The following DYNC2H1 variants were observed in gnomAD, a reference collection of about 807,000 sequenced individuals.
The protein encoded by DYNC2H1 is dynein cytoplasmic 2 heavy chain 1.
A neutral mutation model predicts 570.0 loss-of-function variants in DYNC2H1; 410 were observed. The observed-to-expected ratio is 0.72, with a 90% confidence interval of 0.66 to 0.78. DYNC2H1 has a LOEUF of 0.78. Among genes scored for constraint, DYNC2H1 ranks in the 30% least tolerant of loss-of-function variants. DYNC2H1 has a pLI of 0.00. For missense variants in DYNC2H1, 4,865 were observed against 5,046.4 expected, an observed-to-expected ratio of 0.96 and a Z score of 1.09; for synonymous variants, 1,688 against 1,677.6, an observed-to-expected ratio of 1.01 and a Z score of -0.15.
At chr11:103,399,099 G>A (rs1410180141) in intron 83 of DYNC2H1, among the ~76,000 whole-genome samples, 2 of 145,824 alleles carry the variant, frequency 1.4e-5, no homozygotes, top group East Asian at 2.0e-4. Flanking sequence ...ACTTAATGTG[G>A]TTTCCCTTTC....
Position 103,455,317 on chromosome 11 carries a change from A to C in DYNC2H1, c.12566+22A>C, listed in dbSNP as rs200797091. On this transcript the variant is annotated intron_variant, in intron 86 of 88. Transcript: ENST00000375735. ...CAAGGTAATTAAAATGAAATACTTT[A>C]CCTATTTGTCCCTGACGGTAATTAG... The C allele has an allele frequency of 1.9e-6, 3 of 1,598,800 alleles. No individual in the cohort carries two copies. In the South Asian group the frequency reaches 3.3e-5, roughly 18 times the overall value.
chr11:103,348,418 AC>A (rs1408118933), intron 82 of DYNC2H1, among the ~76,000 whole-genome samples: 14 of 151,932 alleles, frequency 9.2e-5, no homozygotes, highest in Non-Finnish European at 1.8e-4. Flanking sequence ...CATCCCCATT[AC>A]CCCCAAAAGT....
chr11:103,463,530 G>A (rs1438231288), intron 87 of DYNC2H1, among the ~76,000 whole-genome samples: 3 of 152,048 alleles, frequency 2.0e-5, no homozygotes, highest in East Asian at 1.9e-4. Context: ...CAAGCAGATC[G>A]CTTGAGCCCA....
intron 84 of DYNC2H1, chr11:103,403,308 G>A (rs1341769636): frequency 6.6e-6 from 1 of 152,126 alleles, no homozygotes; most frequent in East Asian, 1.9e-4. Flanking sequence ...ATTATTTTTT[G>A]TGTAGGGGGT....
intron 79 of DYNC2H1, among the ~76,000 whole-genome samples, chr11:103,315,864 T>TA (rs1317676026): frequency 2.0e-5 from 3 of 152,020 alleles, no homozygotes; most frequent in Non-Finnish European, 2.9e-5. Context: ...ATACATATTT[T>TA]AAAAATATTT....
chr11:103,378,325 TTTTAAGTTCTCTGC>T (rs1006448778), intron 83 of DYNC2H1, among the ~76,000 whole-genome samples: 3 of 152,194 alleles, frequency 2.0e-5, no homozygotes, highest in Non-Finnish European at 4.4e-5. Flanking sequence ...ATCATATATA[TTTTAAGTTCTCTGC>T]TTTAAGTTCT....
At chr11:103,160,626 A>T (rs1007662447) in intron 28 of DYNC2H1, among the ~76,000 whole-genome samples, 1 of 152,078 alleles carries the variant, frequency 6.6e-6, no homozygotes. Flanking sequence ...GTAGGAATGA[A>T]TAAACAAACA....
intron 84 of DYNC2H1, among the ~76,000 whole-genome samples, chr11:103,412,392 AAT>A (rs1351965047): frequency 6.6e-6 from 1 of 152,182 alleles, no homozygotes; most frequent in Non-Finnish European, 1.5e-5. Context: ...AATATTGTAA[AAT>A]AGTTATCTTC....
At chr11:103,125,738 A>G (rs1858964431) in intron 12 of DYNC2H1, among the ~76,000 whole-genome samples, 1 of 152,206 alleles carries the variant, frequency 6.6e-6, no homozygotes, top group Non-Finnish European at 1.5e-5. Flanking sequence ...ATCAGCTCAC[A>G]GTCTAGCTCC....
At chr11:103,113,997 A>T in intron 2 of DYNC2H1, 106 bp from the exon 3 acceptor site, 1 of 1,260,982 alleles carries the variant, frequency 7.9e-7, no homozygotes, top group Non-Finnish European at 1.1e-6. Context: ...AAGTGGAGGT[A>T]GTGGCAGGCT....
Position 103,163,283 on chromosome 11 carries a change from C to T in DYNC2H1, c.4611+136C>T, listed in dbSNP as rs1479565796. On this transcript the variant is annotated intron_variant, in intron 30 of 88. Coordinates refer to ENST00000375735, the MANE Select transcript of DYNC2H1 (RefSeq NM_001377.3). The surrounding 1 kb of genome is among the most constrained non-coding windows in gnomAD (Gnocchi z 4.6). ...AGTTAACGGACAAATTGCTTAACTT[C>T]TGAGTCTCAGTTCCTTCAGCTGTAA... 1.3e-5 allele frequency: 14 copies of T among 1,108,624 alleles called. No homozygotes were observed. The highest frequency in any genetic ancestry group is 1.7e-5 in the Non-Finnish European group (14 of 821,230). The allele number at this position is 1,108,624 out of a possible 1,614,324, so 68.7% of individuals were successfully genotyped here.
rs947908002 is a variant in DYNC2H1 at position 103,256,444 on chromosome 11, G to C, written c.10461+204G>C. 6.6e-6 allele frequency among the ~76,000 whole-genome samples: 1 copy of C among 152,132 alleles called. No individual in the cohort carries two copies. Among genetic ancestry groups the C allele is most frequent in the Non-Finnish European group, 1.5e-5 (1 of 68,000 alleles). Reference sequence around the variant, plus strand: ...GGCACACTGAGGATAAGGAGTGTTTGTCAGTATACCCTGCTGCCTTCTACT... The same window carrying C: ...GGCACACTGAGGATAAGGAGTGTTTCTCAGTATACCCTGCTGCCTTCTACT... On this transcript the variant is annotated intron_variant, in intron 68 of 88. Coordinates refer to ENST00000375735, the MANE Select transcript of DYNC2H1 (RefSeq NM_001377.3). The surrounding 1 kb of genome is among the most constrained non-coding windows in gnomAD (Gnocchi z 4.0).
chr11:103,246,027 G>A (rs908147508), intron 65 of DYNC2H1, among the ~76,000 whole-genome samples: 5 of 152,080 alleles, frequency 3.3e-5, no homozygotes, highest in Non-Finnish European at 5.9e-5. Context: ...AAATAGCAAA[G>A]CATGCACTAT....
intron 87 of DYNC2H1, among the ~76,000 whole-genome samples, chr11:103,457,577 G>T (rs1001317218): frequency 2.0e-5 from 3 of 151,676 alleles, no homozygotes; most frequent in Non-Finnish European, 4.4e-5. Context: ...AAAAAATAAT[G>T]ATATAAAACT....
In DYNC2H1 at chr11:103,177,503, T is replaced by C; in HGVS notation, c.5875-53T>C. On this transcript the variant is annotated intron_variant, in intron 37 of 88. Coordinates refer to ENST00000375735, the MANE Select transcript of DYNC2H1 (RefSeq NM_001377.3). This position sits in a 1 kb window ranked among gnomAD's most constrained non-coding sequence, Gnocchi z 4.4. ...AAGTGTTACAGAATAAAAGCAGAAC[T>C]AAGTATGATTGAATATTATAAATCA... is the stretch of plus-strand genomic sequence containing the variant. 6.5e-7 allele frequency: 1 copy of C among 1,534,890 alleles called. No individual in the cohort carries two copies. The highest frequency in any genetic ancestry group is 1.3e-5 in the South Asian group (1 of 78,948).
Position 103,157,383 on chromosome 11 carries a change from A to G in DYNC2H1, c.4127+613A>G, listed in dbSNP as rs898988304. On this transcript the variant is annotated intron_variant, in intron 26 of 88. Coordinates refer to ENST00000375735, the MANE Select transcript of DYNC2H1 (RefSeq NM_001377.3). The surrounding 1 kb of genome is among the most constrained non-coding windows in gnomAD (Gnocchi z 4.2). Reference sequence around the variant, plus strand: ...GCTCCAAATCTACCAAACATGCTCAAATAGTAGGCTAAAACTGAATCCATG... The same window carrying G: ...GCTCCAAATCTACCAAACATGCTCAGATAGTAGGCTAAAACTGAATCCATG... Among the ~76,000 whole-genome samples the G allele has an allele frequency of 1.4e-4, 22 of 152,352 alleles. No individual in the cohort carries two copies. Among genetic ancestry groups the G allele is most frequent in the Admixed American group, 3.9e-4 (6 of 15,308 alleles).
chr11:103,430,501 T>A (rs1340658253), intron 84 of DYNC2H1, among the ~76,000 whole-genome samples: 1 of 152,126 alleles, frequency 6.6e-6, no homozygotes, highest in African/African-American at 2.4e-5. Flanking sequence ...CCTCCCTGAT[T>A]GCAGTTTCGT....
intron 83 of DYNC2H1, among the ~76,000 whole-genome samples, chr11:103,374,200 C>T (rs549264792): frequency 4.6e-5 from 7 of 152,214 alleles, no homozygotes; most frequent in African/African-American, 7.2e-5. Flanking sequence ...TCCCCATAAT[C>T]GCCGTGTGTC....
chr11:103,319,915 C>G lies in DYNC2H1; in HGVS notation c.11726-1114C>G, dbSNP rs1938075792. ...TTGACTATAAGATGTAGGCAGATAACAACTTTATTCTTCCACTATATAGGT... is the reference window on the plus strand; with the variant it reads ...TTGACTATAAGATGTAGGCAGATAAGAACTTTATTCTTCCACTATATAGGT... On this transcript the variant is annotated intron_variant, in intron 80 of 88. Coordinates refer to ENST00000375735, the MANE Select transcript of DYNC2H1 (RefSeq NM_001377.3). This position sits in a 1 kb window ranked among gnomAD's most constrained non-coding sequence, Gnocchi z 4.3. Among the ~76,000 whole-genome samples the G allele has an allele frequency of 6.6e-6, 1 of 152,172 alleles. No individual in the cohort carries two copies. Among genetic ancestry groups the G allele is most frequent in the Non-Finnish European group, 1.5e-5 (1 of 68,022 alleles).
Sources: gnomAD v4.1 joint callset for allele counts (sites outside exome capture counted in the v4.1 genomes callset) on GRCh38, gnomAD v4.1.1 for gene constraint, Gnocchi (gnomAD v3.1) non-coding constraint, MANE v1.5 for transcripts, NCBI Gene and HGNC (gene_info 2026-07-23, HGNC 2026-07-21) for gene names.